RNF150: variants seen among roughly 807,000 people sequenced by gnomAD.
RNF150 encodes the protein ring finger protein 150.
RNF150 carries 24 observed loss-of-function variants against 39.3 expected under a neutral mutation model. That is an observed-to-expected ratio of 0.61 (90% CI 0.44 to 0.86). The LOEUF is 0.86. Among genes scored for constraint, RNF150 ranks in the 40% least tolerant of loss-of-function variants. RNF150 has a pLI of 0.00. For missense variants in RNF150, 502 were observed against 587.8 expected (o/e 0.85, Z 1.51); for synonymous variants, 255 against 227.3 (o/e 1.12, Z -1.10).
chr4:141,208,152 G>A (rs1179779410), intron 1 of RNF150, among the ~76,000 whole-genome samples: 2 of 152,160 alleles, frequency 1.3e-5, no homozygotes, highest in Non-Finnish European at 2.9e-5. Flanking sequence ...CTTGCCCTGC[G>A]GGAAGAAGAA....
At chr4:141,120,960 G>A (rs575076840) in intron 1 of RNF150, among the ~76,000 whole-genome samples, 1 of 146,724 alleles carries the variant, frequency 6.8e-6, no homozygotes, top group South Asian at 2.4e-4. Flanking sequence ...GGTGACAGTG[G>A]CAGTCCAGGC....
chr4:141,109,348 G>T (rs539905602), intron 1 of RNF150, among the ~76,000 whole-genome samples: 1 of 152,040 alleles, frequency 6.6e-6, no homozygotes, highest in East Asian at 1.9e-4. Context: ...TTTGTGTAAA[G>T]TCCTGTTCTT....
At chr4:140,923,307 A>C (rs994606856) in intron 5 of RNF150, among the ~76,000 whole-genome samples, 1 of 152,252 alleles carries the variant, frequency 6.6e-6, no homozygotes, top group Non-Finnish European at 1.5e-5. Context: ...AAAAGTGGGC[A>C]AAGGATATGA....
chr4:141,194,480 A>G (rs1422117746), intron 1 of RNF150, among the ~76,000 whole-genome samples: 1 of 152,208 alleles, frequency 6.6e-6, no homozygotes, highest in Admixed American at 6.5e-5. Context: ...TGAATGCCAG[A>G]TGTTTTCCAT....
In RNF150 at chr4:141,079,812, C is replaced by T. The variant is rs547794753; in HGVS notation, c.484+52513G>A. ...TTTATGTCCTAACACTGTGTGGTAG[C>T]AGGCCGAACTCCAGGCCCTGGAGCC... is the stretch of plus-strand genomic sequence containing the variant. On this transcript the variant is annotated intron_variant, in intron 1 of 6. Coordinates refer to ENST00000515673, the MANE Select transcript of RNF150 (RefSeq NM_020724.2). Among the ~76,000 whole-genome samples, 5 of 152,324 alleles carry T rather than the reference C, an allele frequency of 3.3e-5. No individual in the cohort carries two copies. The South Asian group carries it at 8.3e-4, about 25-fold the overall frequency.
intron 6 of RNF150, among the ~76,000 whole-genome samples, chr4:140,872,152 TA>T (rs1169220085): frequency 2.0e-5 from 3 of 152,228 alleles, no homozygotes; most frequent in Non-Finnish European, 4.4e-5. Context: ...GAGGCTACAA[TA>T]ATACGAATGA....
chr4:140,976,219 T>C (rs954798021), intron 1 of RNF150, among the ~76,000 whole-genome samples: 2 of 152,126 alleles, frequency 1.3e-5, no homozygotes, highest in East Asian at 1.9e-4. Context: ...CTCTATCTTG[T>C]ATCTCCAGAT....
chr4:140,911,981 A>C (rs1159910169), intron 5 of RNF150, among the ~76,000 whole-genome samples: 1 of 152,188 alleles, frequency 6.6e-6, no homozygotes, highest in East Asian at 1.9e-4. Context: ...AAATCCTCTA[A>C]ATTAAATTCT....
intron 1 of RNF150, among the ~76,000 whole-genome samples, chr4:141,126,952 G>T (rs1196586070): frequency 6.6e-6 from 1 of 152,138 alleles, no homozygotes; most frequent in Non-Finnish European, 1.5e-5. Context: ...ACGTAATAGA[G>T]ATGCATTCAT....
At chr4:140,887,764 T>C (rs1031243699) in intron 6 of RNF150, among the ~76,000 whole-genome samples, 3 of 152,134 alleles carry the variant, frequency 2.0e-5, no homozygotes, top group African/African-American at 7.2e-5. Context: ...TCCTTTACTT[T>C]GCTCTGGGAG....
intron 6 of RNF150, among the ~76,000 whole-genome samples, chr4:140,899,015 C>T (rs866458663): frequency 5.3e-5 from 8 of 152,160 alleles, no homozygotes; most frequent in South Asian, 2.1e-4. Context: ...ACATTAGATA[C>T]GAGACAGTGT....
intron 1 of RNF150, among the ~76,000 whole-genome samples, chr4:141,068,802 T>C (rs1336678901): frequency 8.4e-6 from 1 of 119,656 alleles, no homozygotes; most frequent in Non-Finnish European, 1.8e-5. Context: ...TTCCTAGGTA[T>C]TTTATTCTCT....
intron 6 of RNF150, among the ~76,000 whole-genome samples, chr4:140,868,832 C>A (rs1259514473): frequency 2.6e-5 from 4 of 152,000 alleles, no homozygotes; most frequent in Non-Finnish European, 5.9e-5. Flanking sequence ...ATAAGAAAAA[C>A]AGTTCAATAG....
intron 1 of RNF150, among the ~76,000 whole-genome samples, chr4:141,176,051 T>A (rs1727805580): frequency 7.1e-6 from 1 of 139,952 alleles, no homozygotes; most frequent in Non-Finnish European, 1.6e-5. Flanking sequence ...CATGGTGGGC[T>A]AATTTTTTTT....
chr4:141,154,133 C>A (rs1207285894), intron 1 of RNF150, among the ~76,000 whole-genome samples: 1 of 152,166 alleles, frequency 6.6e-6, no homozygotes, highest in African/African-American at 2.4e-5. Flanking sequence ...TAAGACTTTG[C>A]TATTAGACAC....
intron 5 of RNF150, among the ~76,000 whole-genome samples, chr4:140,920,584 T>C (rs1246790653): frequency 1.6e-5 from 2 of 121,750 alleles, no homozygotes; most frequent in East Asian, 3.8e-4. Flanking sequence ...TTTACACTGT[T>C]GTTGGGACTA....
chr4:141,045,686 G>C (rs1354327856), intron 1 of RNF150, among the ~76,000 whole-genome samples: 1 of 151,994 alleles, frequency 6.6e-6, no homozygotes, highest in East Asian at 1.9e-4. Flanking sequence ...TCGGATTACA[G>C]GCGTCCACCA....
intron 6 of RNF150, among the ~76,000 whole-genome samples, chr4:140,899,565 T>A (rs1190096422): frequency 1.3e-5 from 2 of 151,894 alleles, no homozygotes; most frequent in Admixed American, 1.3e-4. Flanking sequence ...TGTGCATGTG[T>A]GTATGCATGT....
chr4:141,161,002 G>A (rs1402758196), intron 1 of RNF150, among the ~76,000 whole-genome samples: 2 of 152,182 alleles, frequency 1.3e-5, no homozygotes, highest in African/African-American at 2.4e-5. Flanking sequence ...CTGAAAATAT[G>A]GAAGCAACTT....
Sources: gnomAD v4.1 joint callset for allele counts (sites outside exome capture counted in the v4.1 genomes callset) on GRCh38, gnomAD v4.1.1 for gene constraint, MANE v1.5 for transcripts, NCBI Gene and HGNC (gene_info 2026-07-23, HGNC 2026-07-21) for gene names.